Variants in IQCM observed in about 807,000 individuals in gnomAD.
The protein encoded by IQCM is IQ motif containing M.
A neutral mutation model predicts 57.6 loss-of-function variants in IQCM; 45 were observed. That is an observed-to-expected ratio of 0.78 (90% confidence interval 0.62 to 1.00). The LOEUF is 1.00. IQCM is among the 50% of genes least tolerant of loss of function. IQCM has a pLI of 0.00. For missense variants in IQCM, 468 were observed against 511.6 expected, an observed-to-expected ratio of 0.91 and a Z score of 0.82; for synonymous variants, 148 against 158.9, an observed-to-expected ratio of 0.93 and a Z score of 0.51.
chr4:149,482,092 A>G (rs1740967978), intron 12 of IQCM, among the ~76,000 whole-genome samples: 1 of 151,914 alleles, frequency 6.6e-6, no homozygotes, highest in Admixed American at 6.6e-5. Flanking sequence ...CACTGTTGAC[A>G]TATAGAAATG....
rs889464738 is a variant in IQCM at position 149,603,679 on chromosome 4, C to T, written c.682-15682G>A. On this transcript the variant is annotated intron_variant, in intron 8 of 13. Coordinates refer to ENST00000636793, the MANE Select transcript of IQCM (RefSeq NM_001363507.2). ...AGAAATCAACAAGAAAACTCCCTGA[C>T]AAAATGAGAATGGCCACTGATTTCA... Among the ~76,000 whole-genome samples the T allele has an allele frequency of 4.0e-5, 6 of 149,584 alleles. No homozygotes were observed. In the East Asian group the frequency reaches 1.2e-3, roughly 30 times the overall value.
intron 7 of IQCM, among the ~76,000 whole-genome samples, chr4:149,672,873 G>T (rs1761425125): frequency 6.6e-6 from 1 of 152,162 alleles, no homozygotes; most frequent in Non-Finnish European, 1.5e-5. Flanking sequence ...AGGGCAGCCA[G>T]AGAGAAAGGT....
At chr4:149,809,394 AT>A (rs577531693) in intron 2 of IQCM, among the ~76,000 whole-genome samples, 90 of 152,254 alleles carry the variant, frequency 5.9e-4, no homozygotes, top group African/African-American at 2.0e-3. Flanking sequence ...GCTTATAGTC[AT>A]TTTTTTGATA....
At position 149,643,384 on chromosome 4, in the gene IQCM, TTATCA is replaced by T. The variant is rs1480642062; in HGVS notation, c.566-22145_566-22141del. On this transcript the variant is annotated intron_variant, in intron 7 of 13. Coordinates refer to ENST00000636793, the MANE Select transcript of IQCM (RefSeq NM_001363507.2). ...ATTCACTATCACTTTGTGCTAAGTGTTATCATAGATGTATGTTATGGAGGCTTGCT... is the reference window on the plus strand; with the variant it reads ...ATTCACTATCACTTTGTGCTAAGTGTTAGATGTATGTTATGGAGGCTTGCT... 2.0e-5 allele frequency among the ~76,000 whole-genome samples: 3 copies of T among 152,152 alleles called. No homozygotes were observed. The South Asian group carries it at 6.2e-4, about 32-fold the overall frequency.
intron 13 of IQCM, among the ~76,000 whole-genome samples, chr4:149,363,641 T>C (rs1396718118): frequency 8.5e-5 from 13 of 152,168 alleles, no homozygotes; most frequent in African/African-American, 3.1e-4. Flanking sequence ...AAAGGGTGAC[T>C]GGAAACAAAT....
chr4:149,719,943 A>G (rs1417230828), intron 5 of IQCM, among the ~76,000 whole-genome samples: 1 of 152,214 alleles, frequency 6.6e-6, no homozygotes, highest in African/African-American at 2.4e-5. Context: ...ACACATGTTC[A>G]CTGAGGAGGG....
rs546514336 is a variant in IQCM at position 149,392,276 on chromosome 4, G to A, written c.1391-40210C>T. Among the ~76,000 whole-genome samples the A allele has an allele frequency of 2.6e-5, 4 of 151,930 alleles. No individual in the cohort carries two copies. The South Asian group carries it at 8.3e-4, about 32-fold the overall frequency. ...GTAAGTGATTCTATTCACACTTTTG[G>A]TTGGGCAAAAATAAACGGAGATACA... On this transcript the variant is annotated intron_variant, in intron 13 of 13. Coordinates refer to ENST00000636793, the MANE Select transcript of IQCM (RefSeq NM_001363507.2).
At chr4:149,498,959 G>T (rs1403609624) in intron 12 of IQCM, among the ~76,000 whole-genome samples, 2 of 152,082 alleles carry the variant, frequency 1.3e-5, no homozygotes, top group African/African-American at 4.8e-5. Flanking sequence ...ACAGAGAGGG[G>T]GGATAGCTAA....
chr4:149,748,592 T>G (rs1439300241), intron 2 of IQCM: 1 of 152,172 alleles, frequency 6.6e-6, no homozygotes, highest in Admixed American at 6.5e-5. Context: ...TATGGAGTTT[T>G]TCTGTGATCT....
intron 9 of IQCM, among the ~76,000 whole-genome samples, chr4:149,576,796 T>C (rs1751703482): frequency 6.6e-6 from 1 of 151,740 alleles, no homozygotes; most frequent in South Asian, 2.1e-4. Context: ...ATAGTTTAAG[T>C]TCTCTGAGAA....
At chr4:149,809,217 C>T (rs1203607883) in intron 2 of IQCM, among the ~76,000 whole-genome samples, 1 of 149,912 alleles carries the variant, frequency 6.7e-6, no homozygotes, top group Non-Finnish European at 1.5e-5. Flanking sequence ...GAGCCGAGAT[C>T]ACACCACTGC....
At chr4:149,716,891 C>T (rs1423714863) in intron 5 of IQCM, among the ~76,000 whole-genome samples, 1 of 152,094 alleles carries the variant, frequency 6.6e-6, no homozygotes, top group East Asian at 1.9e-4. Context: ...ATCATGCCTA[C>T]GTGATGAAGC....
chr4:149,682,981 C>A (rs888097105), intron 6 of IQCM, among the ~76,000 whole-genome samples: 1 of 150,990 alleles, frequency 6.6e-6, no homozygotes, highest in African/African-American at 2.4e-5. Flanking sequence ...TATTTCATTC[C>A]TTTTCTCTGT....
chr4:149,793,428 C>T (rs1772822983), intron 2 of IQCM, among the ~76,000 whole-genome samples: 1 of 152,144 alleles, frequency 6.6e-6, no homozygotes. Flanking sequence ...CTTCTAATTG[C>T]ACCAGCTTCT....
At chr4:149,380,975 G>A (rs1307528591) in intron 13 of IQCM, among the ~76,000 whole-genome samples, 1 of 152,148 alleles carries the variant, frequency 6.6e-6, no homozygotes, top group Admixed American at 6.6e-5. Flanking sequence ...TTGCTTAGAT[G>A]TGTAACAGTC....
chr4:149,610,443 C>T (rs1755177299), intron 8 of IQCM, among the ~76,000 whole-genome samples: 1 of 151,938 alleles, frequency 6.6e-6, no homozygotes, highest in African/African-American at 2.4e-5. Context: ...AAGTACAAAG[C>T]TGGAGGCATT....
At chr4:149,797,267 A>C (rs921904462) in intron 2 of IQCM, among the ~76,000 whole-genome samples, 9 of 152,170 alleles carry the variant, frequency 5.9e-5, no homozygotes, top group Non-Finnish European at 1.0e-4. Flanking sequence ...TGAAAAAGGC[A>C]TTTGGCATAA....
chr4:149,800,026 C>T (rs1464347511), intron 2 of IQCM, among the ~76,000 whole-genome samples: 1 of 151,652 alleles, frequency 6.6e-6, no homozygotes, highest in African/African-American at 2.4e-5. Flanking sequence ...GATACCAAAA[C>T]CAGACAAAGA....
At chr4:149,480,141 GA>G (rs1740624729) in intron 12 of IQCM, among the ~76,000 whole-genome samples, 1 of 151,992 alleles carries the variant, frequency 6.6e-6, no homozygotes, top group African/African-American at 2.4e-5. Context: ...ACATCACTCT[GA>G]TTTACCAATT....
Sources: gnomAD v4.1 joint callset for allele counts (sites outside exome capture counted in the v4.1 genomes callset) on GRCh38, gnomAD v4.1.1 for gene constraint, MANE v1.5 for transcripts, NCBI Gene and HGNC (gene_info 2026-07-23, HGNC 2026-07-21) for gene names.